Variants in KLHL13 observed in about 807,000 individuals in gnomAD.
KLHL13 encodes kelch-like protein 13.
KLHL13 carries 10 observed loss-of-function variants against 37.1 expected under a neutral mutation model. The ratio of observed to expected loss-of-function variants is 0.27; its 90% CI spans 0.17 to 0.46. The LOEUF is 0.46. Ranked by LOEUF, KLHL13 falls within the 20% of genes least tolerant of loss-of-function variation. The pLI is 1.00. For missense variants in KLHL13, 360 were observed against 509.3 expected (o/e 0.71, Z 2.82); for synonymous variants, 163 against 181.2 (o/e 0.90, Z 0.81).
At chrX:118,038,405 T>C (rs1303109219) in intron 1 of KLHL13, among the ~76,000 whole-genome samples, 1 of 112,001 alleles carries the variant, frequency 8.9e-6, no homozygotes, top group Non-Finnish European at 1.9e-5. Context: ...CTGAAGATTG[T>C]AGGATATACA....
At chrX:118,014,173 TC>T (rs1439786068) in intron 1 of KLHL13, among the ~76,000 whole-genome samples, 1 of 112,037 alleles carries the variant, frequency 8.9e-6, no homozygotes, top group African/African-American at 3.2e-5. Flanking sequence ...ATATTTTTCT[TC>T]TTGCAGAGAG....
At chrX:117,939,621 T>C (rs999117068) in intron 2 of KLHL13, among the ~76,000 whole-genome samples, 3 of 112,288 alleles carry the variant, frequency 2.7e-5, no homozygotes, top group African/African-American at 6.5e-5. Flanking sequence ...GGCTTTTTAA[T>C]GATCACCATT....
intron 1 of KLHL13, among the ~76,000 whole-genome samples, chrX:118,070,976 A>G (rs190367316): frequency 0.018 from 1,857 of 103,726 alleles, 29 homozygotes; most frequent in African/African-American, 0.062. Flanking sequence ...CTCACTGTTC[A>G]GTTCCCACCT....
chrX:118,077,485 T>C (rs1433019227), intron 1 of KLHL13, among the ~76,000 whole-genome samples: 1 of 109,091 alleles, frequency 9.2e-6, no homozygotes, highest in Non-Finnish European at 1.9e-5. Context: ...GCATTATGAT[T>C]AAGGAAAGAT....
rs60204439 is a variant in KLHL13 at position 118,032,969 on chromosome X, T to A, written c.-56+83539A>T. 5.0e-3 allele frequency among the ~76,000 whole-genome samples: 559 copies of A among 110,976 alleles called. 4 individuals are homozygous for A. Among genetic ancestry groups the A allele is most frequent in the African/African-American group, 0.017 (524 of 30,436 alleles). On this transcript the variant is annotated intron_variant, in intron 1 of 6. Coordinates refer to the KLHL13 transcript ENST00000371882. Reference sequence around the variant, plus strand: ...GCAGAAGCCTCAGGAGCCGATGCGATCAAATGGAAGAAAGGGTATCAGCGA... The same window carrying A: ...GCAGAAGCCTCAGGAGCCGATGCGAACAAATGGAAGAAAGGGTATCAGCGA...
intron 1 of KLHL13, among the ~76,000 whole-genome samples, chrX:118,069,651 T>G (rs1435455341): frequency 9.0e-6 from 1 of 111,444 alleles, no homozygotes; most frequent in East Asian, 2.8e-4. Context: ...AATTTTTGTA[T>G]AGCTGTGCAA....
rs754990854 is a variant in KLHL13, at chrX:118,010,820, C to T, written c.-55-65245G>A. On this transcript the variant is annotated intron_variant, in intron 1 of 6. Transcript: ENST00000371882. Reference sequence around the variant, plus strand: ...ACATGTGGTGGCTCACGCCTGTAATCCCAGTACTTTGGGAGGCTGAGGTGG... The same window carrying T: ...ACATGTGGTGGCTCACGCCTGTAATTCCAGTACTTTGGGAGGCTGAGGTGG... 1.5e-3 allele frequency among the ~76,000 whole-genome samples: 170 copies of T among 111,096 alleles called. 1 individual carries two copies. Among genetic ancestry groups the T allele is most frequent in the Middle Eastern group, 9.4e-3 (2 of 212 alleles).
At chrX:118,004,514 T>C (rs1440152711) in intron 1 of KLHL13, among the ~76,000 whole-genome samples, 5 of 111,666 alleles carry the variant, frequency 4.5e-5, no homozygotes, top group Non-Finnish European at 9.4e-5. Flanking sequence ...GGAAGGATGA[T>C]TGAGACTTGT....
intron 4 of KLHL13, among the ~76,000 whole-genome samples, chrX:117,916,806 A>C (rs1033403364): frequency 9.0e-6 from 1 of 111,379 alleles, no homozygotes; most frequent in Non-Finnish European, 1.9e-5. Context: ...GTGAACTATA[A>C]TATCACTATA....
exon 1 of KLHL13, chrX:117,973,589 T>C (rs1462594212): frequency 1.1e-6 from 1 of 872,915 alleles, no homozygotes; most frequent in Non-Finnish European, 1.4e-6. Flanking sequence ...CAGGTTCTTC[T>C]AGTAGCTTCT....
intron 2 of KLHL13, among the ~76,000 whole-genome samples, chrX:117,923,993 T>C (rs762541035): frequency 4.3e-4 from 48 of 112,063 alleles, no homozygotes; most frequent in Non-Finnish European, 8.3e-4. Context: ...TGGCAAGTTA[T>C]CTGCTTTTGT....
At chrX:118,032,732 C>T (rs1261719889) in intron 1 of KLHL13, among the ~76,000 whole-genome samples, 3 of 112,396 alleles carry the variant, frequency 2.7e-5, no homozygotes, top group African/African-American at 9.7e-5. Flanking sequence ...CGGAACAAAG[C>T]TGGACGGAGA....
At chrX:117,898,671 TCA>T in exon 7 of KLHL13, 1 of 351,005 alleles carries the variant, frequency 2.8e-6, no homozygotes. Flanking sequence ...ACTTTTTTTT[TCA>T]TATGTTAAAC....
In KLHL13 at chrX:118,014,745, T is replaced by C. The variant is rs762563344; in HGVS notation, c.-55-69170A>G. The stretch of plus-strand genomic sequence containing the variant: ...TTTATTTCTGAGACCAGCTGACACT[T>C]AGGGAAAATAGAAAAGAACCTACAT... On this transcript the variant is annotated intron_variant, in intron 1 of 6. Transcript: ENST00000371882. Among the ~76,000 whole-genome samples the C allele has an allele frequency of 6.2e-5, 7 of 112,182 alleles. No homozygotes were observed. The East Asian group carries it at 2.0e-3, about 32-fold the overall frequency.
intron 2 of KLHL13, among the ~76,000 whole-genome samples, chrX:117,924,389 T>C (rs1931892852): frequency 8.9e-6 from 1 of 112,036 alleles, no homozygotes; most frequent in Non-Finnish European, 1.9e-5. Flanking sequence ...CTGCCTTCTA[T>C]ATATCTACTT....
At chrX:118,002,595 A>AAAATAAATAAATAAAT (rs571584663) in intron 1 of KLHL13, among the ~76,000 whole-genome samples, 1 of 94,171 alleles carries the variant, frequency 1.1e-5, no homozygotes, top group Admixed American at 1.2e-4. Flanking sequence ...CTCTGTCTCG[A>AAAATAAATAAATAAAT]AAATAAATAA....
intron 1 of KLHL13, among the ~76,000 whole-genome samples, chrX:118,010,607 G>A (rs1402568760): frequency 1.5e-4 from 10 of 67,073 alleles, no homozygotes; most frequent in African/African-American, 5.5e-4. Context: ...GGGGGAGGGG[G>A]GAGGGATAGC....
At chrX:117,969,453 TG>T (rs1368313741) in intron 1 of KLHL13, among the ~76,000 whole-genome samples, 1 of 111,936 alleles carries the variant, frequency 8.9e-6, no homozygotes, top group Non-Finnish European at 1.9e-5. Flanking sequence ...GTAATTTATA[TG>T]GTTTGCACCT....
chrX:118,078,172 T>C (rs1048196384), intron 1 of KLHL13, among the ~76,000 whole-genome samples: 1 of 112,006 alleles, frequency 8.9e-6, no homozygotes, highest in African/African-American at 3.2e-5. Flanking sequence ...TAGCAGTTTA[T>C]TGGCAAGTTC....
Sources: allele counts gnomAD v4.1 joint callset (sites outside exome capture counted in the v4.1 genomes callset), GRCh38; gene constraint gnomAD v4.1.1; transcripts MANE v1.5; gene names NCBI Gene and HGNC (gene_info 2026-07-23, HGNC 2026-07-21).